The following CCDC33 variants were observed in gnomAD, a reference collection of about 807,000 sequenced individuals.
CCDC33 encodes coiled-coil domain-containing protein 33.
Under a neutral mutation model 91.9 loss-of-function variants are expected in CCDC33, and 94 were observed. That is an observed-to-expected ratio of 1.02 (90% CI 0.87 to 1.21). The LOEUF is 1.21. CCDC33 is among the 50% of genes most tolerant of loss of function. CCDC33 has a pLI of 0.00. For missense variants in CCDC33, 940 were observed against 935.5 expected (o/e 1.00, Z -0.06); for synonymous variants, 396 against 374.5 (o/e 1.06, Z -0.66).
At position 74,245,024 on chromosome 15, in the gene CCDC33, C is replaced by T. The variant is rs139181423; in HGVS notation, c.185+876C>T. 6.4e-3 allele frequency among the ~76,000 whole-genome samples: 973 copies of T among 152,298 alleles called. 11 individuals are homozygous for T. Among genetic ancestry groups the T allele is most frequent in the African/African-American group, 0.022 (903 of 41,568 alleles). The stretch of plus-strand genomic sequence containing the variant: ...CCTGCCCCAGCCCACTCACCAATGC[C>T]TGCTGAAATCCTGCCTTCAAAGCCT... On this transcript the variant is annotated intron_variant, in intron 2 of 18. Coordinates refer to ENST00000398814, the MANE Select transcript of CCDC33 (RefSeq NM_025055.5).
chr15:74,237,260 C>T lies in CCDC33; in HGVS notation c.21+520C>T, dbSNP rs537829356. On this transcript the variant is annotated intron_variant, in intron 1 of 18. Coordinates refer to ENST00000398814, the MANE Select transcript of CCDC33 (RefSeq NM_025055.5). Reference sequence around the variant, plus strand: ...CGTATCCCCAGCACTCAGAACAGTGCCTGGCACATAGTGGGTGCTTAATAA... The same window carrying T: ...CGTATCCCCAGCACTCAGAACAGTGTCTGGCACATAGTGGGTGCTTAATAA... Among the ~76,000 whole-genome samples the T allele has an allele frequency of 4.1e-4, 62 of 152,342 alleles. 1 individual carries two copies. Among genetic ancestry groups the T allele is most frequent in the African/African-American group, 1.5e-3 (62 of 41,570 alleles).
intron 1 of CCDC33, among the ~76,000 whole-genome samples, chr15:74,241,168 A>T (rs1416265842): frequency 1.3e-5 from 2 of 151,944 alleles, no homozygotes; most frequent in African/African-American, 4.8e-5. Context: ...ACCTCTGTAG[A>T]TGGTGACAGG....
intron 3 of CCDC33, among the ~76,000 whole-genome samples, chr15:74,266,179 T>G (rs1441684262): frequency 1.3e-5 from 2 of 152,264 alleles, no homozygotes; most frequent in Admixed American, 1.3e-4. Context: ...AAGGATTTCC[T>G]TGAGCAGATC....
At chr15:74,317,891 T>TG (rs2060123124) in intron 11 of CCDC33, among the ~76,000 whole-genome samples, 2 of 29,884 alleles carry the variant, frequency 6.7e-5, no homozygotes, top group African/African-American at 1.5e-4. Flanking sequence ...GGGTTTGTTT[T>TG]TTTTTTTTTT....
At chr15:74,230,144 G>A (rs2074922873) in intron 2 of CCDC33, among the ~76,000 whole-genome samples, 1 of 152,228 alleles carries the variant, frequency 6.6e-6, no homozygotes, top group African/African-American at 2.4e-5. Flanking sequence ...GGCCTGGGGT[G>A]AGCAGACCAG....
intron 10 of CCDC33, among the ~76,000 whole-genome samples, chr15:74,293,511 A>C (rs2059622891): frequency 1.3e-5 from 2 of 152,172 alleles, no homozygotes; most frequent in South Asian, 4.1e-4. Context: ...AAAGAGACAG[A>C]TGTGGTACTT....
chr15:74,330,892 T>C (rs2060419203), intron 13 of CCDC33, 89 bp from the exon 14 acceptor site: 1 of 1,526,908 alleles, frequency 6.5e-7, no homozygotes, highest in Non-Finnish European at 8.9e-7. Flanking sequence ...TGGTGGAGGA[T>C]TCAGCAGAGG....
At chr15:74,241,901 C>T (rs943978584) in intron 1 of CCDC33, among the ~76,000 whole-genome samples, 7 of 152,134 alleles carry the variant, frequency 4.6e-5, no homozygotes, top group African/African-American at 1.4e-4. Flanking sequence ...ACAATGGCAT[C>T]GCCATTAACT....
intron 2 of CCDC33, among the ~76,000 whole-genome samples, chr15:74,261,785 G>A (rs898449341): frequency 6.6e-6 from 1 of 152,198 alleles, no homozygotes; most frequent in Non-Finnish European, 1.5e-5. Flanking sequence ...TGAACAATCT[G>A]AGTGCTTGAG....
chr15:74,259,240 G>A (rs1021809910), intron 2 of CCDC33, among the ~76,000 whole-genome samples: 5 of 152,074 alleles, frequency 3.3e-5, no homozygotes, highest in Non-Finnish European at 1.5e-5. Context: ...AGCCTGTGGA[G>A]AGGCCTAGGG....
intron 6 of CCDC33, among the ~76,000 whole-genome samples, chr15:74,272,245 A>T (rs867995569): frequency 5.9e-5 from 9 of 152,168 alleles, no homozygotes; most frequent in Non-Finnish European, 1.2e-4. Context: ...TTGGCCCCAA[A>T]GGCCATCTTG....
intron 15 of CCDC33, 29 bp downstream of exon 15, chr15:74,331,325 C>A (rs1338632765): frequency 6.2e-7 from 1 of 1,607,992 alleles, no homozygotes; most frequent in Non-Finnish European, 8.5e-7. Context: ...GTGATCAGCT[C>A]CCCAGCTTCT....
chr15:74,254,328 G>A (rs572512954), intron 2 of CCDC33, among the ~76,000 whole-genome samples: 17 of 152,322 alleles, frequency 1.1e-4, no homozygotes, highest in Admixed American at 2.6e-4. Flanking sequence ...ACTGCGCCCG[G>A]ACGCCTCTCT....
intron 2 of CCDC33, among the ~76,000 whole-genome samples, chr15:74,257,560 G>A (rs947341960): frequency 6.6e-5 from 10 of 152,092 alleles, no homozygotes; most frequent in Non-Finnish European, 1.3e-4. Flanking sequence ...TTGTGGCCAC[G>A]GCAAAAAGGG....
intron 2 of CCDC33, among the ~76,000 whole-genome samples, chr15:74,249,765 C>T (rs1177367450): frequency 1.3e-5 from 2 of 152,112 alleles, no homozygotes; most frequent in Non-Finnish European, 2.9e-5. Flanking sequence ...TTGCAAGACC[C>T]GTGTTAAAAG....
At chr15:74,216,538 C>CTTTT (rs112654498), upstream of CCDC33, among the ~76,000 whole-genome samples, 1 of 37,478 alleles carries the variant, frequency 2.7e-5, no homozygotes, top group Non-Finnish European at 4.6e-5. Flanking sequence ...GCCAATACCA[C>CTTTT]TTTTTTTTTT....
chr15:74,241,937 G>A (rs1470819201), intron 1 of CCDC33, among the ~76,000 whole-genome samples: 2 of 152,242 alleles, frequency 1.3e-5, no homozygotes, highest in Non-Finnish European at 2.9e-5. Context: ...GCAGACAGCA[G>A]GAGGAGGGGT....
At chr15:74,321,533 G>A (rs1217459285) in intron 11 of CCDC33, among the ~76,000 whole-genome samples, 1 of 152,156 alleles carries the variant, frequency 6.6e-6, no homozygotes, top group African/African-American at 2.4e-5. Context: ...CCAAAGTGCT[G>A]AGATTACAGG....
Position 74,268,365 on chromosome 15 carries a change from T to C in CCDC33, c.453T>C (p.Asp151=). Residue 151 remains aspartate, a synonymous_variant, in exon 5 of 19, where the codon GAT becomes GAC. Transcript: ENST00000398814. ...AGCCCACTGAGTCTGGGAAAGCCGA[T>C]GAAGCCACTGCCAAGACCCAGTTGT... The part of the protein sequence containing the change: ...LVKPTESGKA[D]EATAKTQLYA... The C allele has an allele frequency of 6.2e-7, 1 of 1,613,868 alleles. No individual in the cohort carries two copies.
Sources: gnomAD v4.1 joint callset for allele counts (sites outside exome capture counted in the v4.1 genomes callset) on GRCh38, gnomAD v4.1.1 for gene constraint, MANE v1.5 for transcripts, NCBI Gene and HGNC (gene_info 2026-07-23, HGNC 2026-07-21) for gene names.